SLC15A5: variants seen among roughly 807,000 people sequenced by gnomAD.
SLC15A5 encodes solute carrier family 15 member 5.
SLC15A5 carries 58 observed loss-of-function variants against 56.1 expected under a neutral mutation model. The observed-to-expected ratio is 1.03, with a 90% CI of 0.84 to 1.29. SLC15A5 has a LOEUF of 1.29. SLC15A5 is among the 50% of genes most tolerant of loss of function. The probability of loss-of-function intolerance (pLI) is 0.00; values close to 1 mark genes in which losing one functional copy is unlikely to be tolerated. For synonymous variants in SLC15A5, 264 were observed against 250.5 expected (o/e 1.05, Z -0.51); for missense variants, 681 against 672.1 (o/e 1.01, Z -0.15).
At chr12:16,252,773 T>C (rs149476904) in intron 3 of SLC15A5, among the ~76,000 whole-genome samples, 60 of 152,174 alleles carry the variant, frequency 3.9e-4, no homozygotes, top group African/African-American at 1.4e-3. Flanking sequence ...AAAATCTCAA[T>C]AGCATTTTTG....
intron 7 of SLC15A5, among the ~76,000 whole-genome samples, chr12:16,205,556 ATATTCCATAAGAAGGGAAAGGTG>A (rs1205102122): frequency 5.9e-4 from 1 of 1,688 alleles, no homozygotes; most frequent in Non-Finnish European, 1.8e-3. Flanking sequence ...GTATATATAT[ATATTCCATAAGAAGGGAAAGGTG>A]CATATATATA....
At chr12:16,202,563 A>G (rs543344851) in intron 7 of SLC15A5, among the ~76,000 whole-genome samples, 43 of 152,282 alleles carry the variant, frequency 2.8e-4, no homozygotes, top group African/African-American at 1.0e-3. Context: ...AAATAGCATT[A>G]CCATAGCATT....
chr12:16,244,513 T>C, intron 4 of SLC15A5, 67 bp downstream of exon 4: 1 of 1,408,704 alleles, frequency 7.1e-7, no homozygotes. Flanking sequence ...AAAATTCACC[T>C]TGACTTGCAC....
chr12:16,277,434 C>T lies in SLC15A5; in HGVS notation c.252G>A (p.Leu84=), dbSNP rs1417637795. ...TAAGTATTGAAGTTCCAATAAAACA[C>T]AAGTTTAAGATGGCTGCTTGGCAAT... The part of the protein sequence containing the change: ...YHNCQAAILN[L]CFIGTSILTP... The change falls in exon 1 of 9, where the codon TTG becomes TTA. Residue 84 remains leucine, a synonymous_variant. Coordinates refer to ENST00000344941, the MANE Select transcript of SLC15A5 (RefSeq NM_001170798.1). 6.5e-7 allele frequency: 1 copy of T among 1,536,470 alleles called. No homozygotes were observed. Among genetic ancestry groups the T allele is most frequent in the South Asian group, 1.2e-5 (1 of 84,034 alleles).
chr12:16,203,768 T>G (rs1324823318), intron 7 of SLC15A5, among the ~76,000 whole-genome samples: 1 of 152,122 alleles, frequency 6.6e-6, no homozygotes, highest in Non-Finnish European at 1.5e-5. Flanking sequence ...GGATAAAAAT[T>G]ACATGTACCT....
intron 5 of SLC15A5, among the ~76,000 whole-genome samples, chr12:16,226,236 A>C (rs1864240053): frequency 1.3e-5 from 2 of 152,214 alleles, no homozygotes; most frequent in Non-Finnish European, 2.9e-5. Flanking sequence ...GTATGTAAAC[A>C]GTTGTTATAC....
intron 3 of SLC15A5, among the ~76,000 whole-genome samples, chr12:16,256,870 ATAAT>A (rs1328063981): frequency 1.4e-5 from 2 of 141,916 alleles, no homozygotes; most frequent in African/African-American, 5.7e-5. Flanking sequence ...AAAAAAAAAA[ATAAT>A]AATAATAATA....
chr12:16,205,588 TATACATATAC>T (rs1394700767), intron 7 of SLC15A5, among the ~76,000 whole-genome samples: 1,122 of 22,328 alleles, frequency 0.05, 97 homozygotes, highest in East Asian at 0.25. Context: ...TGCATATATA[TATACATATAC>T]ACACACACAC....
intron 3 of SLC15A5, among the ~76,000 whole-genome samples, chr12:16,255,684 G>GA (rs1254599148): frequency 1.3e-5 from 2 of 151,706 alleles, no homozygotes; most frequent in Non-Finnish European, 2.9e-5. Flanking sequence ...TATGGCAAAT[G>GA]TAAAAAAAAA....
chr12:16,265,108 G>T (rs1180039981), intron 2 of SLC15A5, among the ~76,000 whole-genome samples: 1 of 152,162 alleles, frequency 6.6e-6, no homozygotes, highest in Non-Finnish European at 1.5e-5. Context: ...ATATGATCTT[G>T]TTTTCAGTGG....
intron 7 of SLC15A5, among the ~76,000 whole-genome samples, chr12:16,215,497 G>GT (rs1864123580): frequency 6.6e-6 from 1 of 152,180 alleles, no homozygotes; most frequent in Non-Finnish European, 1.5e-5. Context: ...GTGAATATAG[G>GT]TAAGACTTCT....
At chr12:16,238,594 C>T (rs1864375896) in intron 5 of SLC15A5, among the ~76,000 whole-genome samples, 1 of 141,908 alleles carries the variant, frequency 7.0e-6, no homozygotes, top group African/African-American at 2.6e-5. Context: ...AGCGCCACTG[C>T]ACTCCAGCCT....
intron 4 of SLC15A5, 75 bp from the exon 5 acceptor site, chr12:16,239,942 C>T: frequency 1.5e-6 from 2 of 1,336,780 alleles, no homozygotes; most frequent in South Asian, 1.4e-5. Flanking sequence ...CACCAGAGGC[C>T]TACCCTCTTG....
intron 4 of SLC15A5, among the ~76,000 whole-genome samples, chr12:16,240,801 A>C (rs1864406668): frequency 6.6e-6 from 1 of 151,396 alleles, no homozygotes; most frequent in Admixed American, 6.6e-5. Context: ...CATCAGCTTC[A>C]TCATGATCTT....
At chr12:16,216,743 G>T in intron 7 of SLC15A5, 150 bp downstream of exon 7, 1 of 658,802 alleles carries the variant, frequency 1.5e-6, no homozygotes, top group Non-Finnish European at 2.4e-6. Context: ...TACAGCAAGA[G>T]TGTATTTCCT....
intron 7 of SLC15A5, among the ~76,000 whole-genome samples, chr12:16,199,800 T>C (rs747457259): frequency 4.6e-5 from 7 of 152,114 alleles, no homozygotes; most frequent in Non-Finnish European, 8.8e-5. Flanking sequence ...CCAAGAAGTA[T>C]TGGATGCAGT....
rs142980905 is a variant in SLC15A5 at position 16,206,514 on chromosome 12, T to C, written c.1483+10379A>G. 4.3e-3 allele frequency among the ~76,000 whole-genome samples: 657 copies of C among 152,304 alleles called. 7 individuals are homozygous for C. Among genetic ancestry groups the C allele is most frequent in the African/African-American group, 0.015 (634 of 41,560 alleles). On this transcript the variant is annotated intron_variant, in intron 7 of 8. Transcript: ENST00000344941. ...ACCACTGTATTCTAACTTTGACTTT[T>C]CTACCAGTTTTTCATATTTATCTAA...
intron 5 of SLC15A5, among the ~76,000 whole-genome samples, chr12:16,238,920 C>T (rs1012280067): frequency 1.3e-5 from 2 of 152,120 alleles, no homozygotes; most frequent in African/African-American, 4.8e-5. Context: ...TGAGTGATTT[C>T]AAAAGTTTTA....
intron 2 of SLC15A5, among the ~76,000 whole-genome samples, chr12:16,260,393 C>A (rs944257756): frequency 6.6e-6 from 1 of 151,942 alleles, no homozygotes; most frequent in African/African-American, 2.4e-5. Context: ...TCCCTACGTT[C>A]GTTTGTTGTG....
Sources: allele counts gnomAD v4.1 joint callset (sites outside exome capture counted in the v4.1 genomes callset), GRCh38; gene constraint gnomAD v4.1.1; transcripts MANE v1.5; gene names NCBI Gene and HGNC (gene_info 2026-07-23, HGNC 2026-07-21).